The following DHX9 variants were observed in gnomAD, a reference collection of about 807,000 sequenced individuals.
DHX9 encodes ATP-dependent RNA helicase A.
In DHX9, 27 loss-of-function variants were observed where a neutral mutation model predicts 148.7. That is an observed-to-expected ratio of 0.18 (90% CI 0.13 to 0.25). The LOEUF is 0.25. Among genes scored for constraint, DHX9 ranks in the 10% least tolerant of loss-of-function variants. DHX9 has a pLI of 1.00. For synonymous variants in DHX9, 529 were observed against 516.6 expected (o/e 1.02, Z -0.33); for missense variants, 796 against 1,559.6 (o/e 0.51, Z 8.25).
intron 3 of DHX9, among the ~76,000 whole-genome samples, chr1:182,849,830 T>C (rs1668099659): frequency 6.6e-6 from 1 of 152,194 alleles, no homozygotes; most frequent in South Asian, 2.1e-4. Context: ...TCTTGGTCTT[T>C]TCCTCTGTGT....
rs757185409 is a variant in DHX9 at position 182,881,352 on chromosome 1, C to A, written c.2713C>A (p.Arg905=). 3 of 1,614,150 alleles carry A rather than the reference C, an allele frequency of 1.9e-6. No individual in the cohort carries two copies. In the South Asian group the frequency reaches 3.3e-5, roughly 18 times the overall value. ...AGGAAAGCGGCTGGGCTATATCCAT[C>A]GAAATTTTGCTGGAAACAGATTTTC... ...NEGKRLGYIH[R]NFAGNRFSDH... The change falls in exon 23 of 28, where the codon CGA becomes AGA. Residue 905 remains arginine (R), a synonymous_variant. Transcript: ENST00000367549.
At chr1:182,881,220 A>G in intron 22 of DHX9, 44 bp from the exon 23 acceptor site, 1 of 1,579,506 alleles carries the variant, frequency 6.3e-7, no homozygotes, top group Non-Finnish European at 8.6e-7. Context: ...GCTGGCAACA[A>G]CATTGTGATC....
At chr1:182,872,257 T>C (rs1571315900) in intron 14 of DHX9, 80 bp from the exon 15 acceptor site, 3 of 1,182,766 alleles carry the variant, frequency 2.5e-6, no homozygotes, top group South Asian at 1.5e-5. Flanking sequence ...TGATGTCTTA[T>C]GGCTGTATAA....
At position 182,872,290 on chromosome 1, in the gene DHX9, T is replaced by C. The variant is rs760492542; in HGVS notation, c.1558-47T>C. ...TAACTCTTTTAGGCATAGCTTGTTA[T>C]ATAAACTTAATGTAATTTCAAAAAT... is the stretch of plus-strand genomic sequence containing the variant. On this transcript the variant is annotated intron_variant, in intron 14 of 27. Coordinates refer to ENST00000367549, the MANE Select transcript of DHX9 (RefSeq NM_001357.5). 8 of 1,528,760 alleles carry C rather than the reference T, an allele frequency of 5.2e-6. No homozygotes were observed. The African/African-American group carries it at 5.5e-5, about 11-fold the overall frequency. 94.7% of individuals were successfully genotyped at this position (1,528,760 alleles called of 1,614,324 possible). A position where few individuals can be genotyped will look rare whatever the true frequency, so the allele number is the denominator to read the frequency against.
chr1:182,874,992 A>C, intron 16 of DHX9, 38 bp downstream of exon 16: 2 of 1,517,396 alleles, frequency 1.3e-6, no homozygotes, highest in Non-Finnish European at 1.8e-6. Context: ...TTATGGGCAA[A>C]TTGTCAATGC....
intron 14 of DHX9, among the ~76,000 whole-genome samples, chr1:182,867,611 C>G (rs1487341408): frequency 6.6e-6 from 1 of 152,182 alleles, no homozygotes; most frequent in Non-Finnish European, 1.5e-5. Flanking sequence ...TCATGATGGT[C>G]AGGCTGGTGT....
chr1:182,876,808 T>C, intron 18 of DHX9, 22 bp from the exon 19 acceptor site: 1 of 1,562,942 alleles, frequency 6.4e-7, no homozygotes, highest in Non-Finnish European at 8.8e-7. Flanking sequence ...TTTTCTGGAG[T>C]GTAATTTTTC....
At chr1:182,860,554 C>T (rs933739499) in intron 12 of DHX9, among the ~76,000 whole-genome samples, 2 of 152,194 alleles carry the variant, frequency 1.3e-5, no homozygotes, top group Non-Finnish European at 2.9e-5. Context: ...CACTGTATGC[C>T]ATGTTCTATT....
intron 14 of DHX9, among the ~76,000 whole-genome samples, chr1:182,869,818 C>CA (rs1186126385): frequency 6.6e-6 from 1 of 152,180 alleles, no homozygotes; most frequent in Non-Finnish European, 1.5e-5. Context: ...GAACTGGTCT[C>CA]AAACTCCTGA....
chr1:182,850,594 CAAAA>C (rs369880071), intron 3 of DHX9, among the ~76,000 whole-genome samples: 1 of 72,282 alleles, frequency 1.4e-5, no homozygotes, highest in Non-Finnish European at 3.1e-5. Context: ...GACCCTGTCT[CAAAA>C]AAAAAAAAAA....
At chr1:182,858,996 A>C (rs772183206) in intron 10 of DHX9, 44 bp from the exon 11 acceptor site, 2 of 1,611,690 alleles carry the variant, frequency 1.2e-6, no homozygotes, top group South Asian at 2.2e-5. Context: ...TTTGAAGCTG[A>C]ATTATGTGCT....
intron 3 of DHX9, among the ~76,000 whole-genome samples, 169 bp from the exon 4 acceptor site, chr1:182,852,064 T>A (rs770934598): frequency 6.6e-6 from 1 of 152,202 alleles, no homozygotes; most frequent in Non-Finnish European, 1.5e-5. Flanking sequence ...CAGTTCTTCA[T>A]TGCAGACATT....
chr1:182,881,447 G>A, intron 23 of DHX9, 22 bp downstream of exon 23: 1 of 1,611,522 alleles, frequency 6.2e-7, no homozygotes, highest in Non-Finnish European at 8.5e-7. Flanking sequence ...ATTTGGGTGA[G>A]CTGTCTGTAG....
intron 24 of DHX9, 94 bp from the exon 25 acceptor site, chr1:182,883,045 G>C: frequency 1.2e-6 from 1 of 824,890 alleles, no homozygotes; most frequent in Non-Finnish European, 2.0e-6. Flanking sequence ...GAGTGAGGAA[G>C]AGTCAGTTCT....
chr1:182,887,399 T>C lies in DHX9; in HGVS notation c.3778T>C (p.Tyr1260His). 1 of 1,613,938 alleles carries C rather than the reference T, an allele frequency of 6.2e-7. No individual in the cohort carries two copies. Among genetic ancestry groups the C allele is most frequent in the Non-Finnish European group, 8.5e-7 (1 of 1,179,966 alleles). The change falls in exon 28 of 28, where the codon TAC (tyrosine) becomes CAC (histidine). Residue 1260 changes from tyrosine (Y) to histidine (H), a missense_variant. Coordinates refer to ENST00000367549, the MANE Select transcript of DHX9 (RefSeq NM_001357.5). ...TGGTAGGGGGGCCTATGGAACTGGCTACTTTGGACAGGGAAGAGGAGGTGG... is the reference window on the plus strand; with the variant it reads ...TGGTAGGGGGGCCTATGGAACTGGCCACTTTGGACAGGGAAGAGGAGGTGG... ...GGGRGAYGTG[Y>H]FGQGRGGGGY
At chr1:182,884,482 GTTTTT>G in intron 26 of DHX9, 126 bp from the exon 27 acceptor site, 1 of 645,640 alleles carries the variant, frequency 1.5e-6, no homozygotes, top group Admixed American at 3.4e-5. Context: ...ATTATAAGTA[GTTTTT>G]TTTTTTAATA....
At chr1:182,886,063 G>A (rs962839696) in intron 27 of DHX9, among the ~76,000 whole-genome samples, 26 of 152,286 alleles carry the variant, frequency 1.7e-4, no homozygotes, top group Non-Finnish European at 2.9e-4. Context: ...GGGGAGATGT[G>A]ACTGGATTAG....
rs760097142 is a variant in DHX9 at position 182,887,459 on chromosome 1, TGTAGACA to T, written c.*29_*35del. 6.3e-7 allele frequency: 1 copy of T among 1,588,658 alleles called. No homozygotes were observed. The highest frequency in any genetic ancestry group is 8.6e-7 in the Non-Finnish European group (1 of 1,163,762). On this transcript the variant is annotated 3_prime_UTR_variant, in exon 28 of 28. Coordinates refer to ENST00000367549, the MANE Select transcript of DHX9 (RefSeq NM_001357.5). ...AAACTTGGTTATGTCAGTTCCTGTG[TGTAGACA>T]GTAAGGAAAAAAAGGCATGCTATGT...
intron 12 of DHX9, among the ~76,000 whole-genome samples, chr1:182,860,529 G>A (rs1668342136): frequency 6.6e-6 from 1 of 152,146 alleles, no homozygotes; most frequent in Non-Finnish European, 1.5e-5. Flanking sequence ...AGTCAGACAG[G>A]TAATGGTTAA....
Sources: gnomAD v4.1 joint callset for allele counts (sites outside exome capture counted in the v4.1 genomes callset) on GRCh38, gnomAD v4.1.1 for gene constraint, MANE v1.5 for transcripts, NCBI Gene and HGNC (gene_info 2026-07-23, HGNC 2026-07-21) for gene names.